SEPSECS: variants seen among roughly 807,000 people sequenced by gnomAD.
SEPSECS encodes O-phosphoseryl-tRNA(Sec) selenium transferase.
SEPSECS carries 42 observed loss-of-function variants against 52.1 expected under a neutral mutation model. That is an observed-to-expected ratio of 0.81 (90% CI 0.63 to 1.04). The LOEUF (loss-of-function observed/expected upper bound fraction) is 1.04. SEPSECS is among the 50% of genes least tolerant of loss of function. The pLI is 0.00. For synonymous variants in SEPSECS, 216 were observed against 211.4 expected (o/e 1.02, Z -0.19); for missense variants, 590 against 610.6 (o/e 0.97, Z 0.36).
At chr4:25,142,979 G>A (rs1470076601) in intron 8 of SEPSECS, among the ~76,000 whole-genome samples, 3 of 152,172 alleles carry the variant, frequency 2.0e-5, no homozygotes, top group African/African-American at 7.2e-5. Context: ...CTAGTTATAG[G>A]AGAGCTAAGA....
chr4:25,124,070 C>T lies in SEPSECS; in HGVS notation c.1367G>A (p.Arg456Lys), dbSNP rs1728251177. 6.2e-7 allele frequency: 1 copy of T among 1,613,662 alleles called. No homozygotes were observed. Among genetic ancestry groups the T allele is most frequent in the Admixed American group, 1.7e-5 (1 of 59,974 alleles). ...TTCTTTTCTTACTGCCTTTAAACAC[C>T]TGTCAAGTCTCTTTATGAACAGGTC... is the stretch of plus-strand genomic sequence containing the variant. ...DVDLFIKRLD[R>K]CLKAVRKERS... Residue 456 changes from arginine to lysine, a missense_variant, in exon 11 of 11, where the codon AGG (arginine) becomes AAG (lysine). Physicochemically the swap from Arg to Lys is conservative, Grantham distance 26. Coordinates refer to ENST00000382103, the MANE Select transcript of SEPSECS (RefSeq NM_016955.4).
At chr4:25,126,419 GGT>G (rs1728374109) in intron 9 of SEPSECS, among the ~76,000 whole-genome samples, 1 of 152,048 alleles carries the variant, frequency 6.6e-6, no homozygotes, top group Non-Finnish European at 1.5e-5. Context: ...GACTAATTGG[GGT>G]GGTTTTTATT....
chr4:25,146,387 T>C (rs2109023478), intron 6 of SEPSECS, among the ~76,000 whole-genome samples: 1 of 152,326 alleles, frequency 6.6e-6, no homozygotes, highest in South Asian at 2.1e-4. Flanking sequence ...CCTCTTCCTC[T>C]TCTTTCTAAT....
chr4:25,149,653 G>A (rs1712186095), intron 6 of SEPSECS, among the ~76,000 whole-genome samples: 2 of 151,284 alleles, frequency 1.3e-5, no homozygotes, highest in Non-Finnish European at 2.9e-5. Context: ...TAATACTGAT[G>A]GTATTTGACT....
At chr4:25,159,741 C>T (rs1239942022) in intron 1 of SEPSECS, 1 of 970,002 alleles carries the variant, frequency 1.0e-6, no homozygotes, top group Non-Finnish European at 1.3e-6. Context: ...CACTGCATTC[C>T]AGCCTGGGCG....
At chr4:25,147,458 C>T (rs1240247087) in intron 6 of SEPSECS, among the ~76,000 whole-genome samples, 10 of 152,182 alleles carry the variant, frequency 6.6e-5, no homozygotes. Flanking sequence ...AGTAGTAATA[C>T]CTACTTCTCT....
chr4:25,156,028 T>C lies in SEPSECS; in HGVS notation c.547+9A>G, dbSNP rs757900887. ...ATGTTTAAAACATTATGTATGACACTTCTCTTACCTGCAGTGATCATGGAT... is the reference window on the plus strand; with the variant it reads ...ATGTTTAAAACATTATGTATGACACCTCTCTTACCTGCAGTGATCATGGAT... On this transcript the variant is annotated intron_variant, in intron 4 of 10. Transcript: ENST00000382103. 1.4e-5 allele frequency: 23 copies of C among 1,610,316 alleles called. No individual in the cohort carries two copies. The highest frequency in any genetic ancestry group is 1.4e-5 in the Non-Finnish European group (17 of 1,176,590).
At chr4:25,144,926 G>A (rs902876593) in intron 7 of SEPSECS, 61 bp from the exon 8 acceptor site, 2 of 1,598,160 alleles carry the variant, frequency 1.3e-6, no homozygotes, top group Non-Finnish European at 1.7e-6. Context: ...TGGAAATTAA[G>A]ATTTACTACA....
chr4:25,154,496 T>C (rs1032492733), intron 5 of SEPSECS, among the ~76,000 whole-genome samples: 1 of 152,222 alleles, frequency 6.6e-6, no homozygotes, highest in Non-Finnish European at 1.5e-5. Flanking sequence ...TTTGCTTTTA[T>C]TTTCTTAAAT....
chr4:25,149,970 T>C (rs1280640693), intron 6 of SEPSECS, among the ~76,000 whole-genome samples: 1 of 152,226 alleles, frequency 6.6e-6, no homozygotes, highest in Non-Finnish European at 1.5e-5. Flanking sequence ...ACTTGCTACA[T>C]AAATTAATCC....
chr4:25,153,437 T>TA (rs1212427896), intron 5 of SEPSECS, among the ~76,000 whole-genome samples: 2,923 of 146,452 alleles, frequency 0.02, 100 homozygotes, highest in African/African-American at 0.066. Flanking sequence ...TAGGGTGTGT[T>TA]AAAAAAAAAA....
rs1728170965 is a variant in SEPSECS, at chr4:25,122,548, A to T, written c.*1383T>A. 6.6e-6 allele frequency: 1 copy of T among 152,194 alleles called. No homozygotes were observed. Among genetic ancestry groups the T allele is most frequent in the African/African-American group, 2.4e-5 (1 of 41,456 alleles). The allele number at this position is 152,194 out of a possible 1,614,324, so 9.4% of individuals were successfully genotyped here. On this transcript the variant is annotated 3_prime_UTR_variant, in exon 11 of 11. Coordinates refer to ENST00000382103, the MANE Select transcript of SEPSECS (RefSeq NM_016955.4). ...TTAAAACTGGGTTATTTAGTGAAGG[A>T]ATTCTTAGAGCCTTCAATATGCCAA...
At chr4:25,138,988 C>T (rs926584606) in intron 8 of SEPSECS, among the ~76,000 whole-genome samples, 1 of 152,212 alleles carries the variant, frequency 6.6e-6, no homozygotes, top group African/African-American at 2.4e-5. Context: ...CACAGTTGTA[C>T]TAGCCATCAG....
In SEPSECS at chr4:25,145,010, A is replaced by C; in HGVS notation, c.928T>G (p.Tyr310Asp). The change falls in exon 7 of 11, where the codon TAT (tyrosine) becomes GAT (aspartate). Residue 310 changes from tyrosine to aspartate, a missense_variant. Tyr to Asp is a radical substitution (Grantham distance 160). Transcript: ENST00000382103. ...AAGCAACTTATTTATTTACCTGGAT[A>C]CATCTTGCTGATTTCCTGAATGAAT... Reference protein sequence around the residue: ...DSFIQEISKMYPGRASASPSL... With the variant: ...DSFIQEISKMDPGRASASPSL... 6.2e-7 allele frequency: 1 copy of C among 1,613,982 alleles called. No homozygotes were observed. Among genetic ancestry groups the C allele is most frequent in the East Asian group, 2.2e-5 (1 of 44,820 alleles).
intron 8 of SEPSECS, among the ~76,000 whole-genome samples, chr4:25,143,743 T>C (rs1161131661): frequency 6.6e-6 from 1 of 152,182 alleles, no homozygotes; most frequent in Non-Finnish European, 1.5e-5. Context: ...CCTAAGGCTA[T>C]GAGATCATCT....
intron 8 of SEPSECS, among the ~76,000 whole-genome samples, chr4:25,140,364 AGAT>A (rs1729010739): frequency 6.6e-6 from 1 of 152,210 alleles, no homozygotes; most frequent in Non-Finnish European, 1.5e-5. Context: ...TGTCTCCTTT[AGAT>A]ATCAGTAGAC....
At chr4:25,148,657 C>T (rs1411848697) in intron 6 of SEPSECS, among the ~76,000 whole-genome samples, 1 of 152,134 alleles carries the variant, frequency 6.6e-6, no homozygotes, top group Non-Finnish European at 1.5e-5. Flanking sequence ...TAGCACAGTA[C>T]AGTGACTATA....
intron 9 of SEPSECS, among the ~76,000 whole-genome samples, chr4:25,126,440 G>C (rs937332920): frequency 3.3e-5 from 5 of 152,094 alleles, no homozygotes; most frequent in Admixed American, 6.6e-5. Flanking sequence ...TTATATATTG[G>C]TGTTCAAATG....
Position 25,120,140 on chromosome 4 carries a change from CA to C in SEPSECS, c.*3790del, listed in dbSNP as rs1728060016. ...GTAAAACAGGTTAGCAGGCTGACAT[CA>C]GCTTCATATTCTCATGGCTAAAATC... is the stretch of plus-strand genomic sequence containing the variant. On this transcript the variant is annotated 3_prime_UTR_variant, in exon 11 of 11. Coordinates refer to ENST00000382103, the MANE Select transcript of SEPSECS (RefSeq NM_016955.4). 6.6e-6 allele frequency: 1 copy of C among 152,048 alleles called. No homozygotes were observed. Among genetic ancestry groups the C allele is most frequent in the Admixed American group, 6.6e-5 (1 of 15,266 alleles). The allele number at this position is 152,048 out of a possible 1,614,324, so 9.4% of individuals were successfully genotyped here.
Sources: allele counts gnomAD v4.1 joint callset (sites outside exome capture counted in the v4.1 genomes callset), GRCh38; gene constraint gnomAD v4.1.1; transcripts MANE v1.5; gene names NCBI Gene and HGNC (gene_info 2026-07-23, HGNC 2026-07-21).